CAP2: variants seen among roughly 807,000 people sequenced by gnomAD.
CAP2 encodes the protein adenylyl cyclase-associated protein 2.
CAP2 carries 24 observed loss-of-function variants against 57.7 expected under a neutral mutation model. The observed-to-expected ratio is 0.42, with a 90% CI of 0.30 to 0.58. The LOEUF (loss-of-function observed/expected upper bound fraction) is 0.58. CAP2 is among the 20% of genes least tolerant of loss of function. The pLI is 0.22. For missense variants in CAP2, 501 were observed against 590.3 expected, an observed-to-expected ratio of 0.85 and a Z score of 1.57; for synonymous variants, 194 against 207.2, an observed-to-expected ratio of 0.94 and a Z score of 0.55.
chr6:17,448,860 C>G (rs374586076), intron 3 of CAP2, among the ~76,000 whole-genome samples: 104 of 152,082 alleles, frequency 6.8e-4, no homozygotes, highest in African/African-American at 2.3e-3. Flanking sequence ...TTCCCAGGTT[C>G]AAGAGATTCT....
Position 17,541,315 on chromosome 6 carries a change from G to C in CAP2, c.1002+167G>C, listed in dbSNP as rs1473253791. ...CCTGTGATATTTTGTTACATGCGTA[G>C]AATGTGTAATGATCGGCACTTTGGG... On this transcript the variant is annotated intron_variant, in intron 9 of 12. Transcript: ENST00000229922. Among the ~76,000 whole-genome samples the C allele has an allele frequency of 2.0e-5, 3 of 152,092 alleles. No homozygotes were observed. The East Asian group carries it at 5.8e-4, about 29-fold the overall frequency.
In CAP2 at chr6:17,530,912, A is replaced by G. The variant is rs1178475316; in HGVS notation, c.637-8357A>G. On this transcript the variant is annotated intron_variant, in intron 7 of 12. Transcript: ENST00000229922. Reference sequence around the variant, plus strand: ...AGACACCTTAGTTCATTCTTCTAATAAGCCTGTTGATCTGGTCCTCCCTGT... The same window carrying G: ...AGACACCTTAGTTCATTCTTCTAATGAGCCTGTTGATCTGGTCCTCCCTGT... The G allele has an allele frequency of 3.4e-5, 49 of 1,458,466 alleles. No homozygotes were observed. The East Asian group carries it at 1.1e-3, about 32-fold the overall frequency. The allele number at this position is 1,458,466 out of a possible 1,614,324, so 90.3% of individuals were successfully genotyped here. A position where few individuals can be genotyped will look rare whatever the true frequency, so the allele number is the denominator to read the frequency against.
At chr6:17,461,586 T>G (rs1316601602) in intron 3 of CAP2, among the ~76,000 whole-genome samples, 1 of 152,148 alleles carries the variant, frequency 6.6e-6, no homozygotes, top group South Asian at 2.1e-4. Context: ...TGCTTTATCT[T>G]ACAAGAATAA....
chr6:17,436,027 G>A (rs1158558384), intron 3 of CAP2, among the ~76,000 whole-genome samples: 1 of 152,130 alleles, frequency 6.6e-6, no homozygotes, highest in Non-Finnish European at 1.5e-5. Context: ...CTAAGGTTAA[G>A]ATGACTAAAC....
At chr6:17,479,422 A>G (rs1761232759) in intron 4 of CAP2, among the ~76,000 whole-genome samples, 1 of 152,128 alleles carries the variant, frequency 6.6e-6, no homozygotes. Flanking sequence ...TGGGATGTGA[A>G]AACTTCACTT....
At chr6:17,547,836 G>A (rs1473456691) in intron 11 of CAP2, among the ~76,000 whole-genome samples, 3 of 117,296 alleles carry the variant, frequency 2.6e-5, no homozygotes, top group Non-Finnish European at 5.4e-5. Context: ...GTGAGACTCT[G>A]TCTCAAAAAA....
chr6:17,508,998 G>A (rs948024432), intron 6 of CAP2, among the ~76,000 whole-genome samples: 3 of 151,980 alleles, frequency 2.0e-5, no homozygotes, highest in Non-Finnish European at 1.5e-5. Flanking sequence ...CTCGTGATCC[G>A]CCCACCTCAG....
At chr6:17,444,993 A>G (rs1181556005) in intron 3 of CAP2, among the ~76,000 whole-genome samples, 1 of 152,218 alleles carries the variant, frequency 6.6e-6, no homozygotes, top group Non-Finnish European at 1.5e-5. Flanking sequence ...ACTAAGATAC[A>G]TAAGTAACCT....
At chr6:17,474,361 T>C (rs1259748090) in intron 4 of CAP2, among the ~76,000 whole-genome samples, 2 of 152,122 alleles carry the variant, frequency 1.3e-5, no homozygotes, top group Non-Finnish European at 2.9e-5. Flanking sequence ...GTTCATCCAC[T>C]GCTTTGAGAA....
chr6:17,549,389 G>A (rs1314589689), intron 11 of CAP2, among the ~76,000 whole-genome samples: 2 of 152,054 alleles, frequency 1.3e-5, no homozygotes, highest in Non-Finnish European at 2.9e-5. Flanking sequence ...CTTGAACCCA[G>A]CAGGCAGAGG....
chr6:17,544,124 C>CAAA lies in CAP2; in HGVS notation c.1209+992_1209+994dup, dbSNP rs370684072. Among the ~76,000 whole-genome samples the CAAA allele has an allele frequency of 2.1e-4, 23 of 107,068 alleles. 3 individuals carry two copies. Among genetic ancestry groups the CAAA allele is most frequent in the East Asian group, 5.1e-4 (2 of 3,942 alleles). The allele number at this position is 107,068 out of a possible 152,430, so 70.2% of individuals were successfully genotyped here. ...TGGGCAACAGAGAGAGACTCTGTCT[C>CAAA]AAAAAAAAAAAAAGAAAAGAAAAAA... On this transcript the variant is annotated intron_variant, in intron 11 of 12. Transcript: ENST00000229922.
intron 3 of CAP2, 26 bp from the exon 4 acceptor site, chr6:17,462,970 A>T: frequency 6.3e-7 from 1 of 1,597,874 alleles, no homozygotes; most frequent in Non-Finnish European, 8.6e-7. Context: ...AAACATTGAA[A>T]CTGCCATCTT....
Position 17,473,231 on chromosome 6 carries a change from C to T in CAP2, c.300+10158C>T, listed in dbSNP as rs190845547. On this transcript the variant is annotated intron_variant, in intron 4 of 12. Coordinates refer to ENST00000229922, the MANE Select transcript of CAP2 (RefSeq NM_006366.3). ...TTGATCAACTGTTCCATACTAAGTT[C>T]GTTAGAATTCCAGACTGCCTTGATG... Among the ~76,000 whole-genome samples the T allele has an allele frequency of 4.6e-5, 7 of 152,178 alleles. No individual in the cohort carries two copies. In the East Asian group the frequency reaches 1.2e-3, roughly 25 times the overall value.
chr6:17,434,680 A>G (rs939368010), intron 3 of CAP2, among the ~76,000 whole-genome samples: 1 of 152,188 alleles, frequency 6.6e-6, no homozygotes. Flanking sequence ...TAAGTTTCTT[A>G]TGTATCCTTC....
intron 1 of CAP2, among the ~76,000 whole-genome samples, chr6:17,401,605 G>A (rs145768290): frequency 1.1e-4 from 16 of 152,278 alleles, no homozygotes; most frequent in African/African-American, 3.1e-4. Flanking sequence ...CAACTGATTG[G>A]TTACTTGACA....
At chr6:17,483,793 G>T (rs1311005682) in intron 4 of CAP2, among the ~76,000 whole-genome samples, 1 of 152,024 alleles carries the variant, frequency 6.6e-6, no homozygotes, top group Non-Finnish European at 1.5e-5. Flanking sequence ...GTTTTCCCCG[G>T]CATGGCTGAC....
chr6:17,451,196 C>T (rs1404818367), intron 3 of CAP2, among the ~76,000 whole-genome samples: 4 of 150,098 alleles, frequency 2.7e-5, no homozygotes, highest in African/African-American at 7.4e-5. Context: ...AAGCAGGGTA[C>T]GTTCTGGATT....
intron 3 of CAP2, among the ~76,000 whole-genome samples, chr6:17,438,801 A>G (rs1243714219): frequency 2.1e-5 from 3 of 145,630 alleles, no homozygotes; most frequent in Non-Finnish European, 3.0e-5. Context: ...TGGCTTCTAG[A>G]ATGTGAGTTG....
intron 1 of CAP2, among the ~76,000 whole-genome samples, chr6:17,398,080 T>A (rs1342932807): frequency 1.3e-5 from 2 of 152,212 alleles, no homozygotes; most frequent in Non-Finnish European, 2.9e-5. Context: ...TTCCCAACGT[T>A]TTAAGAAGTG....
Sources: allele counts gnomAD v4.1 joint callset (sites outside exome capture counted in the v4.1 genomes callset), GRCh38; gene constraint gnomAD v4.1.1; transcripts MANE v1.5; gene names NCBI Gene and HGNC (gene_info 2026-07-23, HGNC 2026-07-21).